Variants in ILDR1 observed in about 807,000 individuals in gnomAD.
The protein encoded by ILDR1 is immunoglobulin-like domain-containing receptor 1.
A neutral mutation model predicts 62.4 loss-of-function variants in ILDR1; 56 were observed. The ratio of observed to expected loss-of-function variants is 0.90; its 90% CI spans 0.72 to 1.12. The LOEUF (loss-of-function observed/expected upper bound fraction) is 1.12. Ranked by LOEUF, ILDR1 falls within the 50% of genes most tolerant of loss-of-function variation. The pLI, the probability that ILDR1 is intolerant of heterozygous loss-of-function variation, is 0.00. For missense variants in ILDR1, 736 were observed against 710.6 expected, an observed-to-expected ratio of 1.04 and a Z score of -0.41; for synonymous variants, 284 against 277.8, an observed-to-expected ratio of 1.02 and a Z score of -0.22.
chr3:121,989,595 G>C (rs1251073389), intron 7 of ILDR1, among the ~76,000 whole-genome samples: 1 of 152,222 alleles, frequency 6.6e-6, no homozygotes, highest in Non-Finnish European at 1.5e-5. Flanking sequence ...AGGAGTCCAG[G>C]AGCCTGGGCC....
intron 2 of ILDR1, 75 bp from the exon 3 acceptor site, chr3:122,005,468 G>GGGC: frequency 1.3e-6 from 2 of 1,536,502 alleles, no homozygotes; most frequent in Non-Finnish European, 1.8e-6. Context: ...TTCCTGCTCC[G>GGGC]GGCGTGAGAC....
intron 3 of ILDR1, among the ~76,000 whole-genome samples, 155 bp downstream of exon 3, chr3:122,005,089 T>C (rs572372204): frequency 3.3e-5 from 5 of 152,292 alleles, no homozygotes; most frequent in East Asian, 1.9e-4. Flanking sequence ...CAGCACATTC[T>C]ATGAAGCTGG....
intron 1 of ILDR1, among the ~76,000 whole-genome samples, chr3:122,018,948 C>T (rs1018105145): frequency 3.9e-5 from 6 of 152,192 alleles, no homozygotes; most frequent in African/African-American, 2.4e-5. Context: ...GTTCTAGATG[C>T]TGTCTCTCTA....
At chr3:122,024,964 C>T (rs2071907925), upstream of ILDR1, among the ~76,000 whole-genome samples, 1 of 152,192 alleles carries the variant, frequency 6.6e-6, no homozygotes, top group Admixed American at 6.5e-5. Flanking sequence ...AACTGAATCC[C>T]ACAGCTCTGG....
At chr3:122,061,263 A>C in the ILDR1 span, among the ~76,000 whole-genome samples, 2 of 152,220 alleles carry the variant, frequency 1.3e-5, no homozygotes, top group African/African-American at 4.8e-5. Flanking sequence ...CCAACTAAAC[A>C]ATAAATCTTT....
the ILDR1 span, among the ~76,000 whole-genome samples, chr3:122,056,666 A>C: frequency 6.6e-6 from 1 of 152,310 alleles, no homozygotes; most frequent in South Asian, 2.1e-4. Flanking sequence ...TGTTCTTTGA[A>C]AATCGAAGTA....
the ILDR1 span, among the ~76,000 whole-genome samples, chr3:122,054,676 A>G: frequency 6.6e-6 from 1 of 152,152 alleles, no homozygotes; most frequent in Non-Finnish European, 1.5e-5. Flanking sequence ...TTGATACACT[A>G]AACAGTTTGA....
chr3:122,040,423 T>A, the ILDR1 span, among the ~76,000 whole-genome samples: 13 of 151,672 alleles, frequency 8.6e-5, no homozygotes, highest in African/African-American at 3.1e-4. Flanking sequence ...TATCTGAATT[T>A]AAAAAATGTC....
intron 7 of ILDR1, among the ~76,000 whole-genome samples, chr3:121,988,978 G>A (rs949401726): frequency 6.6e-6 from 1 of 152,110 alleles, no homozygotes; most frequent in Non-Finnish European, 1.5e-5. Context: ...CACTTCCTCG[G>A]TGAGGGTGAA....
the ILDR1 span, among the ~76,000 whole-genome samples, chr3:122,053,572 G>A: frequency 4.6e-5 from 7 of 152,042 alleles, no homozygotes; most frequent in Non-Finnish European, 8.8e-5. Context: ...ATGAGACAAG[G>A]TCTCATTATG....
At chr3:122,005,202 T>TCCCCCC in intron 3 of ILDR1, 42 bp downstream of exon 3, 2 of 1,216,414 alleles carry the variant, frequency 1.6e-6, no homozygotes, top group Admixed American at 1.8e-5. Flanking sequence ...TGTCTGCACC[T>TCCCCCC]CCCCCCACCC....
At position 122,001,474 on chromosome 3, in the gene ILDR1, C is replaced by G. The variant is rs747644884; in HGVS notation, c.500-20G>C. The G allele has an allele frequency of 6.8e-6, 11 of 1,613,682 alleles. No homozygotes were observed. ...GCCAGTCTGCAGGGGAGAAGCCAAG[C>G]AGGGGTTGAACTAAATATTCAGGGG... On this transcript the variant is annotated intron_variant, in intron 4 of 7. Coordinates refer to ENST00000344209, the MANE Select transcript of ILDR1 (RefSeq NM_001199799.2).
chr3:122,003,587 T>C (rs1404384178), intron 3 of ILDR1, among the ~76,000 whole-genome samples: 1 of 152,178 alleles, frequency 6.6e-6, no homozygotes, highest in African/African-American at 2.4e-5. Flanking sequence ...TTTGACAGGG[T>C]CATCTCAAAT....
the ILDR1 span, among the ~76,000 whole-genome samples, chr3:122,041,969 G>T: frequency 7.0e-6 from 1 of 142,610 alleles, no homozygotes. Context: ...ACATTGTGCA[G>T]GTTAGTTACA....
In ILDR1 at chr3:122,001,328, TG is replaced by T; in HGVS notation, c.625del (p.His209ThrfsTer15). On this transcript the variant is annotated frameshift_variant, in exon 5 of 8. Coordinates refer to ENST00000344209, the MANE Select transcript of ILDR1 (RefSeq NM_001199799.2). LOFTEE classifies it high-confidence loss of function. ...CTCACCTTCCTCAGGACAGCAGCAG[TG>T]GGCAGGACAGCAGGGACAGCGGATA... ...CYIRCPCCPA[H>X]CCCPEEALAR... 2 of 1,614,096 alleles carry T rather than the reference TG, an allele frequency of 1.2e-6. No homozygotes were observed. Among genetic ancestry groups the T allele is most frequent in the Non-Finnish European group, 1.7e-6 (2 of 1,180,016 alleles).
the ILDR1 span, among the ~76,000 whole-genome samples, chr3:122,045,676 C>T: frequency 2.6e-5 from 4 of 151,628 alleles, no homozygotes; most frequent in South Asian, 2.1e-4. Flanking sequence ...TATGTAATGG[C>T]CTTCTTAGTC....
Position 122,001,355 on chromosome 3 carries a change from T to C in ILDR1, c.599A>G (p.Tyr200Cys). ...CQCCPQYCCC[Y>C]IRCPCCPAHC... ...GGCAGGACAGCAGGGACAGCGGATA[T>C]AGCAGCAGCAATACTGAGGACAGCA... is the stretch of plus-strand genomic sequence containing the variant. The change falls in exon 5 of 8, where the codon TAT becomes TGT. Residue 200 changes from tyrosine to cysteine, a missense_variant. Coordinates refer to ENST00000344209, the MANE Select transcript of ILDR1 (RefSeq NM_001199799.2). The C allele has an allele frequency of 1.9e-6, 3 of 1,614,090 alleles. No homozygotes were observed. The highest frequency in any genetic ancestry group is 2.5e-6 in the Non-Finnish European group (3 of 1,180,022).
the ILDR1 span, among the ~76,000 whole-genome samples, chr3:122,032,237 T>A: frequency 4.6e-5 from 7 of 152,250 alleles, no homozygotes; most frequent in African/African-American, 1.7e-4. Context: ...GTACACATTC[T>A]GGGGGTTTAT....
In ILDR1 at chr3:121,988,749, C is replaced by T. The variant is rs551311551; in HGVS notation, c.1600-341G>A. Among the ~76,000 whole-genome samples the T allele has an allele frequency of 3.9e-5, 6 of 152,348 alleles. No individual in the cohort carries two copies. In the East Asian group the frequency reaches 1.2e-3, roughly 29 times the overall value. On this transcript the variant is annotated intron_variant, in intron 7 of 7. Coordinates refer to ENST00000344209, the MANE Select transcript of ILDR1 (RefSeq NM_001199799.2). Reference sequence around the variant, plus strand: ...TACCCTGTTCCATTCTTCAGTCCATCTCTCTCCCATTCATTCATGAAGACA... The same window carrying T: ...TACCCTGTTCCATTCTTCAGTCCATTTCTCTCCCATTCATTCATGAAGACA...
Sources: allele counts gnomAD v4.1 joint callset (sites outside exome capture counted in the v4.1 genomes callset), GRCh38; gene constraint gnomAD v4.1.1; transcripts MANE v1.5; gene names NCBI Gene and HGNC (gene_info 2026-07-23, HGNC 2026-07-21).